PCDHGA4: variants seen among roughly 807,000 people sequenced by gnomAD.
The protein encoded by PCDHGA4 is protocadherin gamma-A4.
In PCDHGA4, 38 loss-of-function variants were observed where a neutral mutation model predicts 54.6. That is an observed-to-expected ratio of 0.70 (90% confidence interval 0.54 to 0.91). The LOEUF is 0.91. Ranked by LOEUF, PCDHGA4 falls within the 40% of genes least tolerant of loss-of-function variation. The pLI is 0.00. For synonymous variants in PCDHGA4, 511 were observed against 512.9 expected (o/e 1.00, Z 0.05); for missense variants, 1,298 against 1,220.9 (o/e 1.06, Z -0.94).
At chr5:141,409,988 G>GC (rs1561724887) in intron 1 of PCDHGA4, 1 of 1,613,278 alleles carries the variant, frequency 6.2e-7, no homozygotes, top group Non-Finnish European at 8.5e-7. Flanking sequence ...AGCGGTGGAC[G>GC]CCGACTCGGG....
rs747633858 is a variant in PCDHGA4, at chr5:141,491,133, C to T, written c.2515-3674C>T. 6.2e-6 allele frequency: 10 copies of T among 1,614,158 alleles called. No homozygotes were observed. In the South Asian group the frequency reaches 9.9e-5, roughly 16 times the overall value. The stretch of plus-strand genomic sequence containing the variant: ...CACACACTGGTGAGGTGCGCACAGC[C>T]CGGGCCTTACTGGAGGATGACTCTG... On this transcript the variant is annotated intron_variant, in intron 1 of 3. Transcript: ENST00000571252. The surrounding 1 kb of genome is among the most constrained non-coding windows in gnomAD (Gnocchi z 6.9).
chr5:141,395,414 T>A (rs1254527655), intron 1 of PCDHGA4: 7 of 780,958 alleles, frequency 9.0e-6, no homozygotes, highest in Non-Finnish European at 1.4e-5. Flanking sequence ...TAGGTTATTG[T>A]TTCATTTGCT....
rs754935227 is a variant in PCDHGA4 at position 141,395,069 on chromosome 5, C to G, written c.2514+37448C>G. The G allele has an allele frequency of 3.7e-6, 6 of 1,614,006 alleles. No homozygotes were observed. In the African/African-American group the frequency reaches 8.0e-5, roughly 22 times the overall value. ...AGGAGGTACAGGCTTTCCTGCAGAC[C>G]TATTCCCAGGAAGTCTCCCTCACCG... On this transcript the variant is annotated intron_variant, in intron 1 of 3. Transcript: ENST00000571252.
At chr5:141,414,274 G>A (rs762803658) in intron 1 of PCDHGA4, 23 of 1,613,368 alleles carry the variant, frequency 1.4e-5, no homozygotes, top group Non-Finnish European at 1.9e-5. Flanking sequence ...TTCACCTCTG[G>A]GAACAGTCGT....
rs1763497131 is a variant in PCDHGA4 at position 141,364,712 on chromosome 5, G to C, written c.2514+7091G>C. 1.9e-6 allele frequency: 3 copies of C among 1,613,834 alleles called. No homozygotes were observed. In the Admixed American group the frequency reaches 5.0e-5, roughly 27 times the overall value. On this transcript the variant is annotated intron_variant, in intron 1 of 3. Coordinates refer to ENST00000571252, the MANE Select transcript of PCDHGA4 (RefSeq NM_018917.4). ...AGAAGTAGAAATAATCGATATTAAT[G>C]ATAACTTCCCGCGTTTCCGGGATGA...
chr5:141,367,052 A>G (rs936203558), intron 1 of PCDHGA4: 4 of 325,986 alleles, frequency 1.2e-5, no homozygotes, highest in African/African-American at 6.6e-5. Flanking sequence ...AATAGAAAAG[A>G]TGTTTTATTT....
intron 1 of PCDHGA4, among the ~76,000 whole-genome samples, chr5:141,438,702 C>A (rs1217378337): frequency 5.7e-5 from 8 of 140,876 alleles, no homozygotes; most frequent in Non-Finnish European, 4.6e-5. Flanking sequence ...GCTCTGTCAC[C>A]CAGGCTGGAG....
rs1019219811 is a variant in PCDHGA4, at chr5:141,420,399, T to G, written c.2514+62778T>G. ...AGAGTTCGCAAAATATAGGTCAAAT[T>G]TATGGTTATCATTATTAAAACAAAA... On this transcript the variant is annotated intron_variant, in intron 1 of 3. Transcript: ENST00000571252. 5.6e-6 allele frequency: 7 copies of G among 1,257,080 alleles called. No individual in the cohort carries two copies. In the Admixed American group the frequency reaches 1.8e-4, roughly 32 times the overall value. 77.9% of individuals were successfully genotyped at this position (1,257,080 alleles called of 1,614,324 possible).
intron 1 of PCDHGA4, chr5:141,423,074 G>T (rs2096705802): frequency 6.2e-7 from 1 of 1,614,006 alleles, no homozygotes; most frequent in African/African-American, 1.3e-5. Flanking sequence ...AGCGAGCCGG[G>T]ACTCTTCGCG....
chr5:141,469,565 C>T (rs1410607165), intron 1 of PCDHGA4, among the ~76,000 whole-genome samples: 1 of 152,082 alleles, frequency 6.6e-6, no homozygotes, highest in East Asian at 1.9e-4. Context: ...CAGAGTGAGA[C>T]TCTGTCTCTA....
At chr5:141,416,832 A>T (rs2154546669) in intron 1 of PCDHGA4, 1 of 152,168 alleles carries the variant, frequency 6.6e-6, no homozygotes, top group East Asian at 1.9e-4. Context: ...GTTTCTCAAG[A>T]CCCTTATAAT....
chr5:141,362,243 T>C (rs1431406827), intron 1 of PCDHGA4: 1 of 1,613,912 alleles, frequency 6.2e-7, no homozygotes, highest in Non-Finnish European at 8.5e-7. Context: ...TCAGTGCTCT[T>C]CTTCCTCGCG....
In PCDHGA4 at chr5:141,487,046, G is replaced by A; in HGVS notation, c.2515-7761G>A. ...CAGCCTGTTTGCAGTCTCTCGATATGCTGGGGAGGTGCGGACGGCTGTTCC... is the reference window on the plus strand; with the variant it reads ...CAGCCTGTTTGCAGTCTCTCGATATACTGGGGAGGTGCGGACGGCTGTTCC... On this transcript the variant is annotated intron_variant, in intron 1 of 3. Coordinates refer to ENST00000571252, the MANE Select transcript of PCDHGA4 (RefSeq NM_018917.4). The surrounding 1 kb of genome is among the most constrained non-coding windows in gnomAD (Gnocchi z 5.0). 6.2e-7 allele frequency: 1 copy of A among 1,614,192 alleles called. No individual in the cohort carries two copies. Among genetic ancestry groups the A allele is most frequent in the Non-Finnish European group, 8.5e-7 (1 of 1,180,040 alleles).
intron 1 of PCDHGA4, chr5:141,427,865 G>T: frequency 6.4e-7 from 1 of 1,558,148 alleles, no homozygotes; most frequent in Non-Finnish European, 8.8e-7. Context: ...GCGCCTTCGA[G>T]CTCACGATGC....
At chr5:141,361,429 C>T (rs1762019360) in intron 1 of PCDHGA4, 1 of 1,614,066 alleles carries the variant, frequency 6.2e-7, no homozygotes. Flanking sequence ...CAAGCCGCCC[C>T]TCTCCTCCAG....
chr5:141,436,594 G>A (rs79477223), intron 1 of PCDHGA4, among the ~76,000 whole-genome samples: 2 of 152,106 alleles, frequency 1.3e-5, no homozygotes, highest in African/African-American at 2.4e-5. Flanking sequence ...AAAGGTCGTG[G>A]TGATGGCTAG....
rs1308866536 is a variant in PCDHGA4 at position 141,464,896 on chromosome 5, GT to G, written c.2515-29910del. On this transcript the variant is annotated intron_variant, in intron 1 of 3. Coordinates refer to ENST00000571252, the MANE Select transcript of PCDHGA4 (RefSeq NM_018917.4). ...TAGGACTACAGATGGATGCCACCAT[GT>G]CCAGCTAATTTTTTTATTTTTTTGT... 2.0e-5 allele frequency among the ~76,000 whole-genome samples: 3 copies of G among 151,672 alleles called. No homozygotes were observed. The East Asian group carries it at 5.8e-4, about 30-fold the overall frequency.
chr5:141,472,751 G>A (rs1000022316), intron 1 of PCDHGA4, among the ~76,000 whole-genome samples: 5 of 151,850 alleles, frequency 3.3e-5, no homozygotes, highest in East Asian at 3.9e-4. Flanking sequence ...TTTGGGAGGC[G>A]GAGGCTGGCA....
intron 1 of PCDHGA4, chr5:141,371,995 C>G: frequency 1.2e-6 from 2 of 1,613,264 alleles, no homozygotes; most frequent in Non-Finnish European, 1.7e-6. Context: ...ACTCTGCAGG[C>G]CCGCGACCAG....
Sources: allele counts gnomAD v4.1 joint callset (sites outside exome capture counted in the v4.1 genomes callset), GRCh38; gene constraint gnomAD v4.1.1; non-coding constraint Gnocchi (gnomAD v3.1); transcripts MANE v1.5; gene names NCBI Gene and HGNC (gene_info 2026-07-23, HGNC 2026-07-21).